Variants in DISC1 observed in about 807,000 individuals in gnomAD.
DISC1 encodes the protein disrupted in schizophrenia 1 protein.
In DISC1, 57 loss-of-function variants were observed where a neutral mutation model predicts 84.5. That is an observed-to-expected ratio of 0.67 (90% CI 0.55 to 0.84). The LOEUF (loss-of-function observed/expected upper bound fraction) is 0.84. DISC1 is among the 40% of genes least tolerant of loss of function. The pLI, the probability that DISC1 is intolerant of heterozygous loss-of-function variation, is 0.00. For synonymous variants in DISC1, 411 were observed against 415.2 expected (o/e 0.99, Z 0.12); for missense variants, 1,000 against 1,057.8 (o/e 0.95, Z 0.76).
chr1:231,917,250 C>T, intron 9 of DISC1, among the ~76,000 whole-genome samples: 1 of 152,198 alleles, frequency 6.6e-6, no homozygotes, highest in East Asian at 1.9e-4. Flanking sequence ...TTCCCTGCGG[C>T]ATTACTAAAT....
At chr1:231,907,134 T>C (rs1414172176) in intron 9 of DISC1, among the ~76,000 whole-genome samples, 24 of 56,386 alleles carry the variant, frequency 4.3e-4, no homozygotes, top group African/African-American at 1.5e-3. Flanking sequence ...TTCCTTCCTC[T>C]TTCTTTCTTT....
chr1:231,978,620 A>G (rs1000159512), intron 10 of DISC1, among the ~76,000 whole-genome samples: 8 of 152,298 alleles, frequency 5.3e-5, no homozygotes, highest in African/African-American at 1.9e-4. Flanking sequence ...TATTCGTGAT[A>G]TTTCAGTTCT....
chr1:231,798,334 G>A (rs757937205), intron 7 of DISC1, among the ~76,000 whole-genome samples: 1 of 152,230 alleles, frequency 6.6e-6, no homozygotes, highest in East Asian at 1.9e-4. Flanking sequence ...ATCCAGCAGA[G>A]CCTGAAAGAA....
At chr1:231,701,161 T>A (rs1231896221) in intron 2 of DISC1, among the ~76,000 whole-genome samples, 1 of 152,158 alleles carries the variant, frequency 6.6e-6, no homozygotes, top group Non-Finnish European at 1.5e-5. Flanking sequence ...TCTTACACAG[T>A]GGCAGGCAAG....
At chr1:231,681,012 G>A (rs1039188809) in intron 1 of DISC1, among the ~76,000 whole-genome samples, 2 of 152,206 alleles carry the variant, frequency 1.3e-5, no homozygotes, top group African/African-American at 4.8e-5. Flanking sequence ...CAGCTACACA[G>A]AGGGCTCCTT....
intron 10 of DISC1, among the ~76,000 whole-genome samples, chr1:232,001,482 G>A (rs1238273519): frequency 6.6e-6 from 1 of 152,108 alleles, no homozygotes; most frequent in Non-Finnish European, 1.5e-5. Flanking sequence ...GATGCCACCA[G>A]CATATTGTAA....
chr1:231,889,184 G>T (rs967440932), intron 9 of DISC1, among the ~76,000 whole-genome samples: 5 of 152,154 alleles, frequency 3.3e-5, no homozygotes, highest in Admixed American at 3.3e-4. Context: ...TGAGAGTTCT[G>T]GGTCTGCCTC....
At chr1:231,956,227 T>C (rs1659477179) in intron 9 of DISC1, among the ~76,000 whole-genome samples, 1 of 152,230 alleles carries the variant, frequency 6.6e-6, no homozygotes, top group Admixed American at 6.5e-5. Context: ...CCATTTTTCA[T>C]ATGCTTCATT....
At chr1:231,931,945 C>T (rs1372120785) in intron 9 of DISC1, among the ~76,000 whole-genome samples, 1 of 152,120 alleles carries the variant, frequency 6.6e-6, no homozygotes, top group Non-Finnish European at 1.5e-5. Flanking sequence ...AGCCACCAAC[C>T]CCTGGTCCCA....
intron 10 of DISC1, chr1:231,959,253 A>G: frequency 1.0e-6 from 1 of 999,370 alleles, no homozygotes; most frequent in Non-Finnish European, 1.2e-6. Flanking sequence ...AAGGCGGTTT[A>G]TACATGGTTT....
chr1:231,886,693 T>C (rs1164951373), intron 9 of DISC1, among the ~76,000 whole-genome samples: 1 of 152,188 alleles, frequency 6.6e-6, no homozygotes, highest in Non-Finnish European at 1.5e-5. Flanking sequence ...AGGAAGACAT[T>C]GGGTATGATT....
intron 9 of DISC1, among the ~76,000 whole-genome samples, chr1:231,864,048 A>G (rs2084873676): frequency 6.6e-6 from 1 of 152,176 alleles, no homozygotes; most frequent in Non-Finnish European, 1.5e-5. Context: ...GATCTTTTTC[A>G]TAAATCCTTT....
intron 3 of DISC1, among the ~76,000 whole-genome samples, chr1:231,736,006 G>GT (rs1224071435): frequency 1.3e-5 from 2 of 152,222 alleles, no homozygotes; most frequent in Non-Finnish European, 2.9e-5. Context: ...TAGAAATGGG[G>GT]TTTTGCTATG....
intron 1 of DISC1, among the ~76,000 whole-genome samples, chr1:231,635,079 G>A (rs2059082648): frequency 6.6e-6 from 1 of 152,046 alleles, no homozygotes; most frequent in South Asian, 2.1e-4. Flanking sequence ...AGCCCTTCCT[G>A]TGTCTTCCCA....
At chr1:231,801,664 C>T (rs968364893) in intron 8 of DISC1, among the ~76,000 whole-genome samples, 1 of 152,148 alleles carries the variant, frequency 6.6e-6, no homozygotes, top group African/African-American at 2.4e-5. Context: ...GGGCTGTCCC[C>T]ATAGGTGATA....
chr1:231,967,140 G>A (rs1661232350), intron 10 of DISC1, among the ~76,000 whole-genome samples: 1 of 152,168 alleles, frequency 6.6e-6, no homozygotes, highest in South Asian at 2.1e-4. Context: ...TGATAGCCAG[G>A]TGAACTCACC....
At chr1:231,735,420 G>A (rs935561780) in intron 3 of DISC1, among the ~76,000 whole-genome samples, 3 of 152,168 alleles carry the variant, frequency 2.0e-5, no homozygotes, top group Admixed American at 1.3e-4. Context: ...ATGGGAAAGA[G>A]GTGGACGTGG....
rs34268403 is a variant in DISC1, at chr1:231,767,227, C to T, written c.1356C>T (p.Ile452=). The change falls in exon 5 of 13, where the codon ATC becomes ATT. Residue 452 remains isoleucine, a synonymous_variant. Coordinates refer to ENST00000439617, the MANE Select transcript of DISC1 (RefSeq NM_018662.3). ...PTAQDSLHVS[I]TRRDWLLQEK... is the part of the protein sequence containing the mutation. Reference sequence around the variant, plus strand: ...CTCAGGACAGCTTGCACGTGTCCATCACGAGACGAGACTGGCTTCTTCAGG... The same window carrying T: ...CTCAGGACAGCTTGCACGTGTCCATTACGAGACGAGACTGGCTTCTTCAGG... 4.9e-4 allele frequency: 785 copies of T among 1,614,184 alleles called. 3 individuals carry two copies. The African/African-American group carries it at 9.5e-3, about 19-fold the overall frequency.
intron 9 of DISC1, among the ~76,000 whole-genome samples, chr1:231,935,584 G>C (rs1386513002): frequency 6.6e-6 from 1 of 152,170 alleles, no homozygotes; most frequent in African/African-American, 2.4e-5. Flanking sequence ...ATGTAATCCT[G>C]GTGTTAAGGG....
Sources: allele counts gnomAD v4.1 joint callset (sites outside exome capture counted in the v4.1 genomes callset), GRCh38; gene constraint gnomAD v4.1.1; transcripts MANE v1.5; gene names NCBI Gene and HGNC (gene_info 2026-07-23, HGNC 2026-07-21).